PHF24: variants seen among roughly 807,000 people sequenced by gnomAD.
The protein encoded by PHF24 is Galpha inhibitory interacting protein.
PHF24 carries 25 observed loss-of-function variants against 42.6 expected under a neutral mutation model. That is an observed-to-expected ratio of 0.59 (90% CI 0.43 to 0.82). The LOEUF is 0.82. PHF24 is among the 40% of genes least tolerant of loss of function. PHF24 has a pLI of 0.00. For missense variants in PHF24, 470 were observed against 538.1 expected (o/e 0.87, Z 1.25); for synonymous variants, 185 against 204.8 (o/e 0.90, Z 0.83).
chr9:34,958,672 G>T lies in PHF24; in HGVS notation c.-5+271G>T, dbSNP rs1826480547. Among the ~76,000 whole-genome samples the T allele has an allele frequency of 6.6e-6, 1 of 152,186 alleles. No homozygotes were observed. Among genetic ancestry groups the T allele is most frequent in the South Asian group, 2.1e-4 (1 of 4,828 alleles). ...TTGCTGCCATAGGGAGCCCCAGCGT[G>T]GAGGGGACTGGCCCCAGAGAGCCCT... On this transcript the variant is annotated intron_variant, in intron 1 of 7. Coordinates refer to ENST00000242315, the Ensembl canonical transcript of PHF24. This position sits in a 1 kb window ranked among gnomAD's most constrained non-coding sequence, Gnocchi z 4.5.
the PHF24 span, among the ~76,000 whole-genome samples, chr9:34,671,445 C>T: frequency 1.7e-4 from 26 of 152,348 alleles, no homozygotes; most frequent in Middle Eastern, 6.8e-3. Flanking sequence ...CAGATGGCTT[C>T]ATCTGCCTAT....
chr9:34,919,042 G>T, the PHF24 span, among the ~76,000 whole-genome samples: 2 of 152,152 alleles, frequency 1.3e-5, no homozygotes, highest in South Asian at 2.1e-4. Flanking sequence ...AAAAAAATTA[G>T]CTTATTTCTT....
At chr9:34,970,382 G>C (rs892431112) in intron 1 of PHF24, among the ~76,000 whole-genome samples, 2 of 152,168 alleles carry the variant, frequency 1.3e-5, no homozygotes, top group African/African-American at 4.8e-5. Context: ...TTAGAAGTGT[G>C]AGAGGTACCT....
chr9:34,691,920 C>G, the PHF24 span, among the ~76,000 whole-genome samples: 1 of 152,238 alleles, frequency 6.6e-6, no homozygotes, highest in Non-Finnish European at 1.5e-5. Context: ...GTCAAAGGAA[C>G]AGCTGGAGGG....
chr9:34,699,257 T>C, the PHF24 span, among the ~76,000 whole-genome samples: 5 of 152,242 alleles, frequency 3.3e-5, no homozygotes, highest in Non-Finnish European at 4.4e-5. Flanking sequence ...AGATGTTCTC[T>C]ACAAACAGTT....
At chr9:34,964,331 C>A (rs1310889304) in intron 1 of PHF24, among the ~76,000 whole-genome samples, 1 of 152,150 alleles carries the variant, frequency 6.6e-6, no homozygotes, top group Admixed American at 6.5e-5. Context: ...ATCACTTGAG[C>A]CCAGGAGTTT....
the PHF24 span, among the ~76,000 whole-genome samples, chr9:34,859,874 C>T: frequency 6.6e-6 from 1 of 152,070 alleles, no homozygotes; most frequent in Admixed American, 6.6e-5. Context: ...GGGTATTATA[C>T]CCTTATATTT....
chr9:34,976,423 G>T, intron 4 of PHF24, 112 bp from the exon 5 acceptor site: 1 of 1,200,914 alleles, frequency 8.3e-7, no homozygotes, highest in East Asian at 2.4e-5. Flanking sequence ...ATGGGAGGCA[G>T]AGACTTAGCA....
At chr9:34,767,885 C>T in the PHF24 span, among the ~76,000 whole-genome samples, 1 of 152,206 alleles carries the variant, frequency 6.6e-6, no homozygotes, top group Non-Finnish European at 1.5e-5. Flanking sequence ...AATATCAGAG[C>T]ACTTCACTTT....
At chr9:34,981,024 C>T (rs773776766) in exon 8 of PHF24, 1 of 152,550 alleles carries the variant, frequency 6.6e-6, no homozygotes, top group Middle Eastern at 3.4e-3. Context: ...TTGGCTTCCT[C>T]TCCTGAGCCC....
chr9:34,977,597 C>G lies in PHF24; in HGVS notation c.1062C>G (p.Ser354Arg), dbSNP rs899588216. 4 of 1,608,890 alleles carry G rather than the reference C, an allele frequency of 2.5e-6. No individual in the cohort carries two copies. In the African/African-American group the frequency reaches 4.0e-5, roughly 16 times the overall value. Reference sequence around the variant, plus strand: ...ATAGCAGCCCAGCCAGCAGCAGCAGCAAGAGTCAGGACAAGACCCTGCTGC... The same window carrying G: ...ATAGCAGCCCAGCCAGCAGCAGCAGGAAGAGTCAGGACAAGACCCTGCTGC... The change falls in exon 7 of 8, where the codon AGC (serine) becomes AGG (arginine). Residue 354 changes from serine (S) to arginine (R), a missense_variant. Transcript: ENST00000242315.
At chr9:34,837,210 C>T in the PHF24 span, 1 of 448,788 alleles carries the variant, frequency 2.2e-6, no homozygotes, top group Admixed American at 2.6e-5. Context: ...AGGCCTTTGA[C>T]TCTCAGCAAG....
the PHF24 span, chr9:34,838,367 C>T: frequency 1.1e-6 from 1 of 931,898 alleles, no homozygotes; most frequent in Non-Finnish European, 1.7e-6. Context: ...CAGCTCCTTT[C>T]AACTTCCAAG....
the PHF24 span, chr9:34,729,471 G>A: frequency 5.4e-5 from 82 of 1,519,318 alleles, no homozygotes; most frequent in Middle Eastern, 7.1e-4. Context: ...CCTCTATCTC[G>A]GAATTCAGGG....
chr9:34,832,659 AT>A, the PHF24 span: 2 of 1,540,036 alleles, frequency 1.3e-6, no homozygotes, highest in Non-Finnish European at 8.8e-7. Flanking sequence ...AAAACATTTA[AT>A]TTTATTTCTG....
chr9:34,752,505 A>T, the PHF24 span, among the ~76,000 whole-genome samples: 1 of 152,198 alleles, frequency 6.6e-6, no homozygotes, highest in Non-Finnish European at 1.5e-5. Context: ...CCAAAACCTG[A>T]ACAGTTCAGT....
the PHF24 span, among the ~76,000 whole-genome samples, chr9:34,848,083 C>T: frequency 4.6e-5 from 7 of 151,624 alleles, no homozygotes; most frequent in Non-Finnish European, 8.8e-5. Context: ...TGTCTCTGCC[C>T]GGCTTTGGTA....
chr9:34,930,668 GTT>G, the PHF24 span, among the ~76,000 whole-genome samples: 139,357 of 152,216 alleles, frequency 0.92, 64,223 homozygotes, highest in East Asian at 1. Context: ...GGGAATTGAT[GTT>G]TTTTAGAAGA....
intron 3 of PHF24, among the ~76,000 whole-genome samples, chr9:34,975,413 T>C (rs906015499): frequency 3.9e-5 from 6 of 152,228 alleles, no homozygotes; most frequent in African/African-American, 1.4e-4. Context: ...TTGAGTTCTT[T>C]ATGAAATCCA....
Sources: allele counts gnomAD v4.1 joint callset (sites outside exome capture counted in the v4.1 genomes callset), GRCh38; gene constraint gnomAD v4.1.1; non-coding constraint Gnocchi (gnomAD v3.1); transcripts MANE v1.5; gene names NCBI Gene and HGNC (gene_info 2026-07-23, HGNC 2026-07-21).